MCMBP: variants seen among roughly 807,000 people sequenced by gnomAD.
MCMBP encodes the protein minichromosome maintenance complex binding protein.
MCMBP carries 31 observed loss-of-function variants against 81.3 expected under a neutral mutation model. The ratio of observed to expected loss-of-function variants is 0.38; its 90% CI spans 0.29 to 0.51. MCMBP has a LOEUF of 0.51. MCMBP is among the 20% of genes least tolerant of loss of function. The pLI, the probability that MCMBP is intolerant of heterozygous loss-of-function variation, is 0.87. For missense variants in MCMBP, 645 were observed against 772.1 expected (o/e 0.84, Z 1.95); for synonymous variants, 267 against 275.9 (o/e 0.97, Z 0.32).
chr10:119,867,371 C>T (rs1452878605), intron 1 of MCMBP, among the ~76,000 whole-genome samples: 2 of 147,520 alleles, frequency 1.4e-5, no homozygotes, highest in African/African-American at 5.0e-5. Flanking sequence ...TTCATACCAT[C>T]ATGTTGATTT....
intron 6 of MCMBP, among the ~76,000 whole-genome samples, chr10:119,852,345 T>C (rs1389798763): frequency 3.3e-5 from 5 of 151,928 alleles, no homozygotes; most frequent in South Asian, 4.2e-4. Flanking sequence ...GACAAACTTA[T>C]ATACCCACCA....
intron 14 of MCMBP, among the ~76,000 whole-genome samples, chr10:119,833,393 A>C (rs543916849): frequency 2.0e-5 from 3 of 152,192 alleles, no homozygotes; most frequent in African/African-American, 7.2e-5. Context: ...CTGTAATCCC[A>C]ACACATTGGG....
chr10:119,837,545 C>A (rs1023771609), intron 12 of MCMBP, among the ~76,000 whole-genome samples: 1 of 152,178 alleles, frequency 6.6e-6, no homozygotes, highest in Non-Finnish European at 1.5e-5. Context: ...TATTCCGCAA[C>A]TGAGGTTAGT....
At chr10:119,832,282 A>T (rs1353371859) in intron 14 of MCMBP, among the ~76,000 whole-genome samples, 182 bp from the exon 15 acceptor site, 1 of 152,218 alleles carries the variant, frequency 6.6e-6, no homozygotes, top group African/African-American at 2.4e-5. Context: ...AATGAAACTC[A>T]GATTCATTTA....
At chr10:119,873,519 C>T (rs1458141094), upstream of MCMBP, 1 of 152,270 alleles carries the variant, frequency 6.6e-6, no homozygotes, top group Non-Finnish European at 1.5e-5. Flanking sequence ...CTGGCAGCCG[C>T]CGTCGGGGAG....
chr10:119,868,128 G>C (rs1011733143), intron 1 of MCMBP, among the ~76,000 whole-genome samples: 5 of 152,164 alleles, frequency 3.3e-5, no homozygotes, highest in African/African-American at 1.2e-4. Flanking sequence ...TAGTTGAAGG[G>C]AAAACAGCTA....
chr10:119,855,254 C>T (rs1482390889), intron 5 of MCMBP, among the ~76,000 whole-genome samples: 1 of 152,104 alleles, frequency 6.6e-6, no homozygotes, highest in East Asian at 1.9e-4. Context: ...CAGTAAAAAC[C>T]TAACAAATGA....
intron 11 of MCMBP, among the ~76,000 whole-genome samples, chr10:119,839,228 C>T (rs934305349): frequency 6.6e-5 from 10 of 152,166 alleles, no homozygotes; most frequent in Admixed American, 2.0e-4. Context: ...GCCTCCAGGA[C>T]GCGAGCACCT....
rs1362863959 is a variant in MCMBP at position 119,831,072 on chromosome 10, A to AAAC, written c.*399_*401dup. ...TGAACTGGAAAAACAGAGAACTAGA[A>AAAC]AACATAAGAAATCCGAAGCACGATT... On this transcript the variant is annotated 3_prime_UTR_variant, in exon 16 of 16. Coordinates refer to ENST00000369077, the MANE Select transcript of MCMBP (RefSeq NM_001256378.2). 4 of 156,582 alleles carry AAAC rather than the reference A, an allele frequency of 2.6e-5. No homozygotes were observed. The highest frequency in any genetic ancestry group is 9.6e-5 in the African/African-American group (4 of 41,494). 9.7% of individuals were successfully genotyped at this position (156,582 alleles called of 1,614,324 possible).
intron 8 of MCMBP, among the ~76,000 whole-genome samples, chr10:119,846,385 A>G (rs1236130771): frequency 1.3e-5 from 2 of 152,250 alleles, no homozygotes; most frequent in African/African-American, 4.8e-5. Flanking sequence ...GAATGCCAAT[A>G]AATAAATGTA....
intron 10 of MCMBP, among the ~76,000 whole-genome samples, chr10:119,841,292 G>A (rs1158814195): frequency 6.6e-6 from 1 of 152,210 alleles, no homozygotes; most frequent in Non-Finnish European, 1.5e-5. Flanking sequence ...CTAAATGGAA[G>A]CTGACAGAGC....
intron 4 of MCMBP, chr10:119,857,927 A>C (rs1853110733): frequency 6.6e-6 from 1 of 152,280 alleles, no homozygotes; most frequent in Non-Finnish European, 1.5e-5. Context: ...AGATTATATT[A>C]AACAAAAATG....
intron 1 of MCMBP, among the ~76,000 whole-genome samples, chr10:119,867,387 A>T (rs1275777084): frequency 1.3e-5 from 2 of 151,350 alleles, no homozygotes; most frequent in African/African-American, 2.4e-5. Context: ...GATTTTTTTT[A>T]AAACCATGTG....
chr10:119,850,659 G>A (rs1852779381), intron 6 of MCMBP, among the ~76,000 whole-genome samples: 1 of 147,436 alleles, frequency 6.8e-6, no homozygotes, highest in South Asian at 2.2e-4. Context: ...TGAGGCAGGA[G>A]AATGGCGTGA....
chr10:119,850,874 G>GTTTTTTTTTTTTTTTTTTTTTTTTTTTTT (rs1284100421), intron 6 of MCMBP, among the ~76,000 whole-genome samples: 45 of 130,544 alleles, frequency 3.4e-4, no homozygotes, highest in South Asian at 4.8e-4. Flanking sequence ...TACAAGATCT[G>GTTTTTTTTTTTTTTTTTTTTTTTTTTTTT]TTTTTTTTTT....
chr10:119,832,377 G>C (rs983539232), intron 14 of MCMBP, among the ~76,000 whole-genome samples: 2 of 152,184 alleles, frequency 1.3e-5, no homozygotes, highest in Non-Finnish European at 2.9e-5. Flanking sequence ...GAAAATGGCA[G>C]AGAAGGGACC....
At chr10:119,855,532 C>G (rs902570474) in intron 5 of MCMBP, among the ~76,000 whole-genome samples, 1 of 152,090 alleles carries the variant, frequency 6.6e-6, no homozygotes, top group African/African-American at 2.4e-5. Flanking sequence ...ATTAGCCGGG[C>G]ATGGTGGCAG....
At chr10:119,854,529 ACCCTGTC>A (rs1852953070) in intron 5 of MCMBP, among the ~76,000 whole-genome samples, 1 of 137,274 alleles carries the variant, frequency 7.3e-6, no homozygotes, top group African/African-American at 2.7e-5. Flanking sequence ...AAAGGGAGAG[ACCCTGTC>A]TCAAAAATAA....
chr10:119,838,691 G>C lies in MCMBP; in HGVS notation c.1252C>G (p.Leu418Val). Residue 418 changes from leucine (L) to valine (V), a missense_variant, in exon 12 of 16, where the codon CTG becomes GTG. Physicochemically the swap from Leu to Val is conservative, Grantham distance 32. Transcript: ENST00000369077. ...TTCATGTTCTCTATAGTCATCTGCA[G>C]ACGAAAAGACTGCAAAGAGAAATTT... ...IQHLVPASFR[L>V]QMTIENMNHL... 1.2e-6 allele frequency: 2 copies of C among 1,601,022 alleles called. No individual in the cohort carries two copies. Among genetic ancestry groups the C allele is most frequent in the Non-Finnish European group, 1.7e-6 (2 of 1,171,418 alleles).
Sources: gnomAD v4.1 joint callset for allele counts (sites outside exome capture counted in the v4.1 genomes callset) on GRCh38, gnomAD v4.1.1 for gene constraint, MANE v1.5 for transcripts, NCBI Gene and HGNC (gene_info 2026-07-23, HGNC 2026-07-21) for gene names.